Variants in SOX6 observed in about 807,000 individuals in gnomAD.
SOX6 encodes the protein transcription factor SOX-6.
Under a neutral mutation model 97.8 loss-of-function variants are expected in SOX6, and 11 were observed. That is an observed-to-expected ratio of 0.11 (90% confidence interval 0.07 to 0.19). The LOEUF is 0.19. Ranked by LOEUF, SOX6 falls within the 10% of genes least tolerant of loss-of-function variation. SOX6 has a pLI of 1.00. For synonymous variants in SOX6, 360 were observed against 371.4 expected (o/e 0.97, Z 0.35); for missense variants, 810 against 1,039.5 (o/e 0.78, Z 3.04).
At chr11:16,537,055 C>A (rs1219184286) in intron 4 of SOX6, among the ~76,000 whole-genome samples, 4 of 152,172 alleles carry the variant, frequency 2.6e-5, no homozygotes, top group Non-Finnish European at 5.9e-5. Context: ...CCAGTAGAGG[C>A]CGACAGACAC....
intron 4 of SOX6, among the ~76,000 whole-genome samples, chr11:16,521,628 T>C (rs1861065260): frequency 6.6e-6 from 1 of 152,182 alleles, no homozygotes; most frequent in Non-Finnish European, 1.5e-5. Context: ...CAAAGCTGGA[T>C]GGAGAATTAC....
chr11:16,145,939 T>C (rs1404816948), intron 6 of SOX6, among the ~76,000 whole-genome samples: 1 of 152,174 alleles, frequency 6.6e-6, no homozygotes, highest in African/African-American at 2.4e-5. Context: ...AGGTAATTTA[T>C]AGATTCAATG....
At chr11:16,638,015 A>G (rs1420131171) in intron 3 of SOX6, among the ~76,000 whole-genome samples, 1 of 149,690 alleles carries the variant, frequency 6.7e-6, no homozygotes, top group Non-Finnish European at 1.5e-5. Flanking sequence ...TGCACCCATT[A>G]AATCGTCATT....
chr11:16,146,806 C>T (rs1019908039), intron 6 of SOX6, among the ~76,000 whole-genome samples: 1 of 152,100 alleles, frequency 6.6e-6, no homozygotes, highest in Non-Finnish European at 1.5e-5. Context: ...CAGTGAGATA[C>T]CATCTCACAC....
intron 4 of SOX6, among the ~76,000 whole-genome samples, chr11:16,513,270 TAAAAC>T (rs1356650938): frequency 6.6e-6 from 1 of 151,812 alleles, no homozygotes; most frequent in African/African-American, 2.4e-5. Context: ...TAAAAAGAAA[TAAAAC>T]AAAATTATAG....
At chr11:16,280,124 G>A (rs1360089168) in intron 3 of SOX6, among the ~76,000 whole-genome samples, 1 of 152,060 alleles carries the variant, frequency 6.6e-6, no homozygotes, top group East Asian at 1.9e-4. Flanking sequence ...GGCCAACCAT[G>A]GACATATGTA....
At chr11:16,508,318 G>A (rs1310964127) in intron 4 of SOX6, among the ~76,000 whole-genome samples, 2 of 151,942 alleles carry the variant, frequency 1.3e-5, no homozygotes, top group African/African-American at 4.8e-5. Context: ...GCAAAAAACA[G>A]AACTACCATA....
At chr11:16,390,764 C>A (rs1159851101) in intron 1 of SOX6, among the ~76,000 whole-genome samples, 2 of 152,046 alleles carry the variant, frequency 1.3e-5, no homozygotes, top group Admixed American at 6.5e-5. Flanking sequence ...TTAGTTCAAC[C>A]ATTGTGGAAG....
chr11:16,056,780 A>G (rs1377121656), intron 9 of SOX6, among the ~76,000 whole-genome samples: 1 of 152,210 alleles, frequency 6.6e-6, no homozygotes, highest in Non-Finnish European at 1.5e-5. Context: ...TGATAAGCAG[A>G]CAATCTGACA....
At chr11:16,636,464 G>C (rs534644970) in intron 3 of SOX6, among the ~76,000 whole-genome samples, 2 of 152,134 alleles carry the variant, frequency 1.3e-5, no homozygotes, top group South Asian at 4.1e-4. Context: ...GATTTTACAG[G>C]CTCATAGGTA....
chr11:16,184,334 G>T (rs1851416233), intron 5 of SOX6, among the ~76,000 whole-genome samples: 1 of 152,012 alleles, frequency 6.6e-6, no homozygotes. Context: ...GCAAAGACAG[G>T]AAAAATCTTC....
At chr11:16,625,946 G>A (rs1848617926) in intron 3 of SOX6, among the ~76,000 whole-genome samples, 1 of 152,164 alleles carries the variant, frequency 6.6e-6, no homozygotes, top group Admixed American at 6.5e-5. Flanking sequence ...CCAAAGGATG[G>A]GGTTGTGGGA....
At chr11:16,340,135 T>G (rs1366292724) in intron 2 of SOX6, among the ~76,000 whole-genome samples, 1 of 152,080 alleles carries the variant, frequency 6.6e-6, no homozygotes, top group African/African-American at 2.4e-5. Context: ...GTGTTATTAG[T>G]AGTAAAGGCA....
At chr11:16,173,367 T>G (rs2134086864) in intron 6 of SOX6, among the ~76,000 whole-genome samples, 1 of 151,872 alleles carries the variant, frequency 6.6e-6, no homozygotes, top group South Asian at 2.1e-4. Flanking sequence ...CATTGTTGAT[T>G]CCATAGAAGA....
intron 9 of SOX6, among the ~76,000 whole-genome samples, chr11:16,088,966 A>C (rs1848628204): frequency 6.6e-6 from 1 of 152,180 alleles, no homozygotes; most frequent in Admixed American, 6.5e-5. Flanking sequence ...GCTCTAGGGG[A>C]ATTGCTGACA....
chr11:16,228,227 T>G (rs1194175841), intron 4 of SOX6, among the ~76,000 whole-genome samples: 2 of 151,386 alleles, frequency 1.3e-5, no homozygotes, highest in African/African-American at 4.8e-5. Flanking sequence ...AGACCCCAAC[T>G]GGGACACAAC....
intron 6 of SOX6, among the ~76,000 whole-genome samples, chr11:16,140,761 ACCTAGCTATTGG>A: frequency 6.6e-6 from 1 of 152,244 alleles, no homozygotes; most frequent in South Asian, 2.1e-4. Flanking sequence ...ACACCCAGGA[ACCTAGCTATTGG>A]GCCTTCAGTG....
chr11:16,259,959 G>A (rs1244006454), intron 3 of SOX6, among the ~76,000 whole-genome samples: 1 of 151,970 alleles, frequency 6.6e-6, no homozygotes. Flanking sequence ...GTGTGTGTGT[G>A]TGTGTGTGTG....
chr11:16,221,981 T>C (rs11023877), intron 4 of SOX6, among the ~76,000 whole-genome samples: 11,104 of 152,144 alleles, frequency 0.073, 422 homozygotes, highest in African/African-American at 0.086. Context: ...CTTGCCAAAT[T>C]TGGTGAAGTA....
Sources: allele counts gnomAD v4.1 joint callset (sites outside exome capture counted in the v4.1 genomes callset), GRCh38; gene constraint gnomAD v4.1.1; transcripts MANE v1.5; gene names NCBI Gene and HGNC (gene_info 2026-07-23, HGNC 2026-07-21).